The following NRIP3 variants were observed in gnomAD, a reference collection of about 807,000 sequenced individuals.
NRIP3 encodes nuclear receptor interacting protein 3.
A neutral mutation model predicts 29.0 loss-of-function variants in NRIP3; 31 were observed. The observed-to-expected ratio is 1.07, with a 90% CI of 0.80 to 1.44. NRIP3 has a LOEUF of 1.44. Among genes scored for constraint, NRIP3 ranks in the 40% most tolerant of loss-of-function variants. The pLI, the probability that NRIP3 is intolerant of heterozygous loss-of-function variation, is 0.00. For synonymous variants in NRIP3, 131 were observed against 118.3 expected (o/e 1.11, Z -0.70); for missense variants, 314 against 297.9 (o/e 1.05, Z -0.40).
At chr11:8,992,540 C>A (rs1445526552) in intron 1 of NRIP3, among the ~76,000 whole-genome samples, 1 of 152,134 alleles carries the variant, frequency 6.6e-6, no homozygotes, top group African/African-American at 2.4e-5. Flanking sequence ...GATCAAAATA[C>A]AAAGGATTAG....
rs1854708404 is a variant in NRIP3, at chr11:8,996,473, G to T, written c.174+7289C>A. Among the ~76,000 whole-genome samples the T allele has an allele frequency of 1.3e-5, 2 of 151,728 alleles. 1 individual carries two copies. The highest frequency in any genetic ancestry group is 4.2e-4 in the South Asian group (2 of 4,800). On this transcript the variant is annotated intron_variant, in intron 1 of 6. Coordinates refer to ENST00000309166, the MANE Select transcript of NRIP3 (RefSeq NM_020645.3). ...TTTTTGCCTTTTTAGTGGAGATGAG[G>T]TTTCACCATGTTGGCCGGGCTGGTC...
intron 1 of NRIP3, 145 bp downstream of exon 1, chr11:9,003,617 G>A (rs1589967390): frequency 1.3e-6 from 1 of 757,660 alleles, no homozygotes; most frequent in African/African-American, 1.9e-5. Context: ...GTACTGGAAG[G>A]GGAGGAATCC....
intron 1 of NRIP3, among the ~76,000 whole-genome samples, chr11:8,997,746 GAGAGGTGAGAGGAATC>G (rs1854734129): frequency 6.6e-6 from 1 of 152,234 alleles, no homozygotes; most frequent in African/African-American, 2.4e-5. Context: ...TTGAAGAAAA[GAGAGGTGAGAGGAATC>G]AGACTATAGT....
At chr11:8,996,604 C>A (rs1161522710) in intron 1 of NRIP3, among the ~76,000 whole-genome samples, 1 of 152,030 alleles carries the variant, frequency 6.6e-6, no homozygotes, top group Admixed American at 6.6e-5. Flanking sequence ...TGATTAATAT[C>A]ATTGAATTCT....
intron 3 of NRIP3, 132 bp from the exon 4 acceptor site, chr11:8,985,982 C>A: frequency 9.7e-7 from 1 of 1,029,284 alleles, no homozygotes; most frequent in Non-Finnish European, 1.4e-6. Flanking sequence ...AAAGTGCTAG[C>A]CATCCTACAT....
In NRIP3 at chr11:9,001,533, C is replaced by T. The variant is rs75024793; in HGVS notation, c.174+2229G>A. On this transcript the variant is annotated intron_variant, in intron 1 of 6. Coordinates refer to ENST00000309166, the MANE Select transcript of NRIP3 (RefSeq NM_020645.3). ...CTCCCTTTTCTTGGACTCCTTCTAT[C>T]GAGATTATACTATAAACTACTCCAA... Among the ~76,000 whole-genome samples the T allele has an allele frequency of 2.1e-3, 326 of 152,292 alleles. 11 individuals are homozygous for T. Among genetic ancestry groups the T allele is most frequent in the Admixed American group, 0.014 (221 of 15,298 alleles).
At chr11:8,987,294 G>C (rs1186193566) in intron 3 of NRIP3, among the ~76,000 whole-genome samples, 1 of 152,134 alleles carries the variant, frequency 6.6e-6, no homozygotes, top group Non-Finnish European at 1.5e-5. Flanking sequence ...TTCAAGTTTA[G>C]AGGTCTTTGC....
chr11:8,992,029 C>G (rs1189451065), intron 1 of NRIP3, among the ~76,000 whole-genome samples: 1 of 152,214 alleles, frequency 6.6e-6, no homozygotes, highest in Non-Finnish European at 1.5e-5. Context: ...ATGGAAGAGG[C>G]TGTCTTGTTG....
intron 3 of NRIP3, among the ~76,000 whole-genome samples, chr11:8,986,337 C>G (rs1854522661): frequency 6.6e-6 from 1 of 152,162 alleles, no homozygotes; most frequent in African/African-American, 2.4e-5. Context: ...GAGGCAAGTA[C>G]TTATTTGGTA....
chr11:8,997,320 G>T (rs1487089854), intron 1 of NRIP3, among the ~76,000 whole-genome samples: 6 of 125,920 alleles, frequency 4.8e-5, no homozygotes, highest in African/African-American at 1.9e-4. Flanking sequence ...TCGCACCACT[G>T]CACTCCAGCC....
intron 1 of NRIP3, among the ~76,000 whole-genome samples, chr11:8,989,298 G>A (rs905461752): frequency 4.6e-5 from 7 of 152,104 alleles, no homozygotes; most frequent in African/African-American, 7.2e-5. Context: ...CTTATGTCCC[G>A]GCTACAATAC....
chr11:8,987,541 T>C lies in NRIP3; in HGVS notation c.422+7A>G. The C allele has an allele frequency of 6.2e-7, 1 of 1,608,502 alleles. No individual in the cohort carries two copies. The highest frequency in any genetic ancestry group is 8.5e-7 in the Non-Finnish European group (1 of 1,174,936). On this transcript the variant is annotated splice_region_variant and intron_variant, in intron 3 of 6. Transcript: ENST00000309166. ...CTAAGTTCCACTCAGCACAAGTGCC[T>C]ACTTACCCCAATCTGTCCACACAGG...
intron 4 of NRIP3, among the ~76,000 whole-genome samples, chr11:8,984,643 T>G (rs367933943): frequency 3.3e-5 from 5 of 152,306 alleles, no homozygotes; most frequent in African/African-American, 9.6e-5. Flanking sequence ...CCAGGTCTTT[T>G]TTACTCTAAA....
At chr11:8,986,522 T>C (rs1854524937) in intron 3 of NRIP3, among the ~76,000 whole-genome samples, 1 of 152,244 alleles carries the variant, frequency 6.6e-6, no homozygotes, top group East Asian at 1.9e-4. Flanking sequence ...TACTTAATTA[T>C]GAACTTTCTG....
In NRIP3 at chr11:8,982,192, C is replaced by T. The variant is rs1441755689; in HGVS notation, c.*1353G>A. 6.6e-6 allele frequency: 1 copy of T among 152,186 alleles called. No individual in the cohort carries two copies. The highest frequency in any genetic ancestry group is 6.5e-5 in the Admixed American group (1 of 15,284). The allele number at this position is 152,186 out of a possible 1,614,324, so 9.4% of individuals were successfully genotyped here. On this transcript the variant is annotated 3_prime_UTR_variant, in exon 7 of 7. Transcript: ENST00000309166. ...ACACCTGTGTGCCTAATGTGACACC[C>T]CAGTCAAAAAGCTTCAAGAAACCTT...
chr11:9,003,338 C>T (rs1471401746), intron 1 of NRIP3, among the ~76,000 whole-genome samples: 1 of 152,196 alleles, frequency 6.6e-6, no homozygotes, highest in African/African-American at 2.4e-5. Flanking sequence ...GTCAAAAAAC[C>T]CTCTTTCCAC....
chr11:8,998,137 T>C (rs1031714454), intron 1 of NRIP3, among the ~76,000 whole-genome samples: 1 of 152,202 alleles, frequency 6.6e-6, no homozygotes, highest in Non-Finnish European at 1.5e-5. Context: ...CATGTCTCTA[T>C]CTCTGACCTT....
intron 1 of NRIP3, among the ~76,000 whole-genome samples, chr11:9,002,532 T>TATACTGTGTATAA (rs55696714): frequency 6.7e-6 from 1 of 148,898 alleles, no homozygotes; most frequent in Non-Finnish European, 1.5e-5. Context: ...GGAGAAAAAT[T>TATACTGTGTATAA]TTTGTATATT....
At chr11:8,992,981 G>C (rs1021533973) in intron 1 of NRIP3, among the ~76,000 whole-genome samples, 1 of 152,088 alleles carries the variant, frequency 6.6e-6, no homozygotes, top group South Asian at 2.1e-4. Flanking sequence ...ACTCAAGAAA[G>C]TTATTTCCTG....
Sources: gnomAD v4.1 joint callset for allele counts (sites outside exome capture counted in the v4.1 genomes callset) on GRCh38, gnomAD v4.1.1 for gene constraint, MANE v1.5 for transcripts, NCBI Gene and HGNC (gene_info 2026-07-23, HGNC 2026-07-21) for gene names.